Variants in ARHGAP32 observed in about 807,000 individuals in gnomAD.
ARHGAP32 encodes the protein rho GTPase-activating protein 32.
ARHGAP32 carries 51 observed loss-of-function variants against 186.5 expected under a neutral mutation model. The observed-to-expected ratio is 0.27, with a 90% CI of 0.22 to 0.35. ARHGAP32 has a LOEUF of 0.35. Among genes scored for constraint, ARHGAP32 ranks in the 10% least tolerant of loss-of-function variants. The probability of loss-of-function intolerance (pLI) is 1.00; values close to 1 mark genes in which losing one functional copy is unlikely to be tolerated. For missense variants in ARHGAP32, 2,186 were observed against 2,623.5 expected (o/e 0.83, Z 3.64); for synonymous variants, 950 against 964.3 (o/e 0.99, Z 0.27).
At chr11:129,015,704 A>ACTTT (rs1309690884) in intron 11 of ARHGAP32, among the ~76,000 whole-genome samples, 2 of 152,202 alleles carry the variant, frequency 1.3e-5, no homozygotes, top group African/African-American at 4.8e-5. Context: ...CTTTCTGCAA[A>ACTTT]ACTGTGTATT....
At chr11:129,257,268 A>G (rs994559110) in intron 1 of ARHGAP32, among the ~76,000 whole-genome samples, 19 of 152,182 alleles carry the variant, frequency 1.2e-4, no homozygotes, top group African/African-American at 4.6e-4. Context: ...GCAACTTACA[A>G]GTTTGTGACT....
At chr11:129,267,982 T>C (rs1945426045) in intron 1 of ARHGAP32, among the ~76,000 whole-genome samples, 1 of 152,068 alleles carries the variant, frequency 6.6e-6, no homozygotes, top group African/African-American at 2.4e-5. Context: ...GGCATTAATG[T>C]AGACAGGAAG....
At chr11:129,214,463 C>T (rs1320008202) in intron 1 of ARHGAP32, among the ~76,000 whole-genome samples, 1 of 152,098 alleles carries the variant, frequency 6.6e-6, no homozygotes, top group Admixed American at 6.6e-5. Flanking sequence ...ATAACTAGAA[C>T]TGGCTTGAAT....
At chr11:129,056,412 C>A (rs953533181) in intron 10 of ARHGAP32, among the ~76,000 whole-genome samples, 1 of 152,016 alleles carries the variant, frequency 6.6e-6, no homozygotes, top group African/African-American at 2.4e-5. Flanking sequence ...TCGCCTGGGT[C>A]AGTTTTATAA....
rs530611146 is a variant in ARHGAP32, at chr11:129,162,604, T to C, written c.225+1715A>G. Among the ~76,000 whole-genome samples the C allele has an allele frequency of 3.3e-5, 5 of 152,278 alleles. No homozygotes were observed. In the South Asian group the frequency reaches 1.0e-3, roughly 32 times the overall value. ...AAGTGGAATCTACTAAGATACATTATAACCAATTTTGGTAAAAATATGTGT... is the reference window on the plus strand; with the variant it reads ...AAGTGGAATCTACTAAGATACATTACAACCAATTTTGGTAAAAATATGTGT... On this transcript the variant is annotated intron_variant, in intron 2 of 22. Transcript: ENST00000682385.
At chr11:129,122,196 T>C (rs1942548383) in intron 5 of ARHGAP32, among the ~76,000 whole-genome samples, 1 of 152,130 alleles carries the variant, frequency 6.6e-6, no homozygotes, top group African/African-American at 2.4e-5. Context: ...AGAGATTTCC[T>C]AACCTTTCAT....
intron 1 of ARHGAP32, among the ~76,000 whole-genome samples, chr11:129,166,016 G>C (rs904741140): frequency 2.6e-5 from 4 of 152,028 alleles, no homozygotes; most frequent in Admixed American, 2.0e-4. Flanking sequence ...AAATAAGAGA[G>C]AAATGATGAA....
rs1340249004 is a variant in ARHGAP32, at chr11:129,065,065, A to T, written c.670-132T>A. On this transcript the variant is annotated intron_variant, in intron 7 of 22. Coordinates refer to ENST00000682385, the MANE Select transcript of ARHGAP32 (RefSeq NM_001378024.1). ...TTAATAGTTACAGAGGACTCTTCACAGAAACTTACCAGTAGCACTATGGGC... is the reference window on the plus strand; with the variant it reads ...TTAATAGTTACAGAGGACTCTTCACTGAAACTTACCAGTAGCACTATGGGC... 4.5e-6 allele frequency: 3 copies of T among 671,136 alleles called. No homozygotes were observed. In the African/African-American group the frequency reaches 5.5e-5, roughly 12 times the overall value. The allele number at this position is 671,136 out of a possible 1,614,324, so 41.6% of individuals were successfully genotyped here. A position where few individuals can be genotyped will look rare whatever the true frequency, so the allele number is the denominator to read the frequency against.
chr11:129,204,260 C>T (rs1039472823), intron 1 of ARHGAP32, among the ~76,000 whole-genome samples: 6 of 151,812 alleles, frequency 4.0e-5, no homozygotes, highest in Admixed American at 1.3e-4. Flanking sequence ...AACTGGACTT[C>T]CTCCTAATGT....
Position 128,986,542 on chromosome 11 carries a change from C to G in ARHGAP32, c.1425G>C (p.Gln475His). ...RELPNPLLTYQLYEKFSDAVS... is the reference protein window; with the variant it reads ...RELPNPLLTYHLYEKFSDAVS... ...TACTCACAGAAAATTTCTCATACAG[C>G]TGGTAGGTAAGCAGAGGGTTTGGGA... Residue 475 changes from glutamine (Q) to histidine (H), a missense_variant, in exon 14 of 23, where the codon CAG becomes CAC. Gln to His is a conservative substitution (Grantham distance 24). Transcript: ENST00000682385. 1 of 1,614,040 alleles carries G rather than the reference C, an allele frequency of 6.2e-7. No homozygotes were observed. Among genetic ancestry groups the G allele is most frequent in the Non-Finnish European group, 8.5e-7 (1 of 1,179,968 alleles).
chr11:129,035,694 A>T (rs879937996), intron 11 of ARHGAP32, among the ~76,000 whole-genome samples: 1 of 152,056 alleles, frequency 6.6e-6, no homozygotes, highest in Non-Finnish European at 1.5e-5. Context: ...AAATATAAAA[A>T]TTAGCAGGTC....
At chr11:129,186,263 T>C (rs1358078643) in intron 1 of ARHGAP32, among the ~76,000 whole-genome samples, 1 of 152,160 alleles carries the variant, frequency 6.6e-6, no homozygotes, top group African/African-American at 2.4e-5. Context: ...TTCTTGAACA[T>C]CAAAATACTC....
chr11:129,075,881 C>G (rs1941024125), intron 6 of ARHGAP32, among the ~76,000 whole-genome samples: 1 of 152,164 alleles, frequency 6.6e-6, no homozygotes, highest in Non-Finnish European at 1.5e-5. Flanking sequence ...GAGGCTGAGA[C>G]CTACTGGGCT....
chr11:128,970,496 A>G lies in ARHGAP32; in HGVS notation c.4717T>C (p.Ser1573Pro). The change falls in exon 23 of 23, where the codon TCT (serine) becomes CCT (proline). Residue 1573 changes from serine to proline, a missense_variant. Around this residue, in one of 5 missense-constraint regions of ARHGAP32, gnomAD observed 1,502 missense variants for 1,570.0 expected, o/e 0.96. Transcript: ENST00000682385. This position sits in a 1 kb window ranked among gnomAD's most constrained non-coding sequence, Gnocchi z 5.8. ...TTCCTGACAGAGGAGCTCAAAGAAG[A>G]CACATACTCGACCCGGCTGCATGGC... is the stretch of plus-strand genomic sequence containing the variant. Reference protein sequence around the residue: ...SKPCSRVEYVSSLSSSVRNTC... With the variant: ...SKPCSRVEYVPSLSSSVRNTC... 6.2e-7 allele frequency: 1 copy of G among 1,614,100 alleles called. No individual in the cohort carries two copies. Among genetic ancestry groups the G allele is most frequent in the Non-Finnish European group, 8.5e-7 (1 of 1,180,006 alleles).
intron 11 of ARHGAP32, among the ~76,000 whole-genome samples, chr11:129,037,611 A>G (rs564001993): frequency 5.3e-5 from 8 of 152,102 alleles, no homozygotes; most frequent in Admixed American, 4.6e-4. Context: ...TACAGGTTCA[A>G]TATACTCTCT....
At chr11:129,247,331 T>C (rs920776180) in intron 1 of ARHGAP32, among the ~76,000 whole-genome samples, 5 of 152,210 alleles carry the variant, frequency 3.3e-5, no homozygotes, top group Non-Finnish European at 5.9e-5. Flanking sequence ...GATCTTAAAC[T>C]GATTAAGTTC....
chr11:129,186,478 A>G (rs1944164222), intron 1 of ARHGAP32, among the ~76,000 whole-genome samples: 1 of 152,206 alleles, frequency 6.6e-6, no homozygotes, highest in African/African-American at 2.4e-5. Flanking sequence ...TTTGCTGATT[A>G]CTATTAAATT....
rs1276770489 is a variant in ARHGAP32 at position 129,192,229 on chromosome 11, C to T, written c.-31G>A. ...ACTTAAAAAACAAAAAAAACTAAACCTCCAGGCATGGAATAAAAAGCACCA... is the reference window on the plus strand; with the variant it reads ...ACTTAAAAAACAAAAAAAACTAAACTTCCAGGCATGGAATAAAAAGCACCA... On this transcript the variant is annotated 5_prime_UTR_variant, in exon 1 of 23. Transcript: ENST00000682385. 1 of 1,507,096 alleles carries T rather than the reference C, an allele frequency of 6.6e-7. No individual in the cohort carries two copies. The highest frequency in any genetic ancestry group is 9.2e-7 in the Non-Finnish European group (1 of 1,085,238). 93.4% of individuals were successfully genotyped at this position (1,507,096 alleles called of 1,614,324 possible). A position where few individuals can be genotyped will look rare whatever the true frequency, so the allele number is the denominator to read the frequency against.
At position 129,186,525 on chromosome 11, in the gene ARHGAP32, C is replaced by G. The variant is rs570449811; in HGVS notation, c.116+5558G>C. Among the ~76,000 whole-genome samples the G allele has an allele frequency of 3.8e-3, 574 of 152,150 alleles. 2 individuals are homozygous for G. The highest frequency in any genetic ancestry group is 0.013 in the African/African-American group (549 of 41,508). On this transcript the variant is annotated intron_variant, in intron 1 of 22. Coordinates refer to ENST00000682385, the MANE Select transcript of ARHGAP32 (RefSeq NM_001378024.1). ...GTATGTTGGGTGAATGTTATACTTACTGTTAAAAGAATATTTTAGAAGCTT... is the reference window on the plus strand; with the variant it reads ...GTATGTTGGGTGAATGTTATACTTAGTGTTAAAAGAATATTTTAGAAGCTT...
Sources: allele counts gnomAD v4.1 joint callset (sites outside exome capture counted in the v4.1 genomes callset), GRCh38; gene constraint gnomAD v4.1.1; regional missense constraint gnomAD v4.1.1; non-coding constraint Gnocchi (gnomAD v3.1); transcripts MANE v1.5; gene names NCBI Gene and HGNC (gene_info 2026-07-23, HGNC 2026-07-21).